The following ADCY9 variants were observed in gnomAD, a reference collection of about 807,000 sequenced individuals.
ADCY9 encodes adenylate cyclase 9.
In ADCY9, 50 loss-of-function variants were observed where a neutral mutation model predicts 101.5. That is an observed-to-expected ratio of 0.49 (90% CI 0.39 to 0.62). ADCY9 has a LOEUF of 0.62. ADCY9 is among the 20% of genes least tolerant of loss of function. The pLI, the probability that ADCY9 is intolerant of heterozygous loss-of-function variation, is 0.00. For missense variants in ADCY9, 1,662 were observed against 1,800.4 expected (o/e 0.92, Z 1.39); for synonymous variants, 905 against 769.3 (o/e 1.18, Z -2.92).
chr16:4,027,806 G>A (rs1033955666), intron 2 of ADCY9, among the ~76,000 whole-genome samples: 5 of 152,030 alleles, frequency 3.3e-5, no homozygotes. Flanking sequence ...GAACCCAGGA[G>A]GCAGAGGTTG....
chr16:3,983,463 A>AGAAT, intron 6 of ADCY9, 23 bp from the exon 7 acceptor site: 1 of 1,581,618 alleles, frequency 6.3e-7, no homozygotes, highest in Middle Eastern at 1.7e-4. Context: ...GGAGTGGAGC[A>AGAAT]GAATGACTGG....
At chr16:3,998,754 AAAAGAAAAGAAAAG>A (rs2056308505) in intron 3 of ADCY9, among the ~76,000 whole-genome samples, 2 of 4,480 alleles carry the variant, frequency 4.5e-4, no homozygotes, top group African/African-American at 2.1e-3. Context: ...AGAAAGAAAG[AAAAGAAAAGAAAAG>A]AAAAGAAAAG....
intron 2 of ADCY9, among the ~76,000 whole-genome samples, chr16:4,090,148 G>A (rs1457989631): frequency 1.3e-5 from 2 of 152,052 alleles, no homozygotes; most frequent in East Asian, 3.9e-4. Flanking sequence ...TGACTTGGAG[G>A]GGACTCCAGC....
At chr16:3,954,183 A>G (rs1392001760) in intron 5 of ADCY9, among the ~76,000 whole-genome samples, 1 of 152,200 alleles carries the variant, frequency 6.6e-6, no homozygotes, top group Non-Finnish European at 1.5e-5. Flanking sequence ...TCTGACATGC[A>G]GAGCTGCAGG....
intron 2 of ADCY9, among the ~76,000 whole-genome samples, chr16:4,074,676 C>T (rs547140552): frequency 5.5e-4 from 79 of 142,858 alleles, no homozygotes; most frequent in African/African-American, 2.0e-3. Context: ...ACGATCATGC[C>T]ATTGTACCCC....
At chr16:4,031,823 G>A (rs2056557277) in intron 2 of ADCY9, among the ~76,000 whole-genome samples, 1 of 151,978 alleles carries the variant, frequency 6.6e-6, no homozygotes, top group Non-Finnish European at 1.5e-5. Context: ...GCAGAGGTGA[G>A]CCATCATCGT....
chr16:4,083,404 T>C (rs959797546), intron 2 of ADCY9, among the ~76,000 whole-genome samples: 2 of 152,246 alleles, frequency 1.3e-5, no homozygotes, highest in African/African-American at 2.4e-5. Context: ...GCACACACTC[T>C]GGTGGGAAGA....
At chr16:4,026,984 C>A (rs907561266) in intron 2 of ADCY9, among the ~76,000 whole-genome samples, 4 of 152,182 alleles carry the variant, frequency 2.6e-5, no homozygotes, top group Non-Finnish European at 4.4e-5. Flanking sequence ...TGATTGGTTC[C>A]CTCCCGCAAC....
chr16:4,038,639 GGTTTCA>G (rs2056606402), intron 2 of ADCY9, among the ~76,000 whole-genome samples: 1 of 152,104 alleles, frequency 6.6e-6, no homozygotes, highest in Admixed American at 6.6e-5. Flanking sequence ...AAGTCAGCAT[GGTTTCA>G]GTTGAGAAAA....
intron 2 of ADCY9, among the ~76,000 whole-genome samples, chr16:4,049,627 ACAC>A (rs1254340544): frequency 1.3e-5 from 2 of 152,120 alleles, no homozygotes; most frequent in South Asian, 2.1e-4. Flanking sequence ...TGAGTCAAAA[ACAC>A]CACATGAAAC....
At chr16:3,983,183 G>A (rs1295191417) in intron 7 of ADCY9, 49 bp downstream of exon 7, 2 of 1,490,816 alleles carry the variant, frequency 1.3e-6, no homozygotes, top group African/African-American at 2.8e-5. Context: ...GGAGCCAGAA[G>A]AGGGAGCTAA....
intron 2 of ADCY9, among the ~76,000 whole-genome samples, chr16:4,050,713 CAAAAAAAAAAA>C (rs5815192): frequency 2.9e-5 from 2 of 69,660 alleles, no homozygotes; most frequent in African/African-American, 6.2e-5. Context: ...AACTCCGTCT[CAAAAAAAAAAA>C]AAAAAAAAAA....
intron 2 of ADCY9, among the ~76,000 whole-genome samples, chr16:4,022,970 T>C (rs1230774111): frequency 1.3e-5 from 2 of 152,148 alleles, no homozygotes; most frequent in African/African-American, 4.8e-5. Context: ...AGTACTGTAG[T>C]ACCTGGGGGA....
rs763522918 is a variant in ADCY9 at position 4,028,339 on chromosome 16, T to C, written c.1694-20781A>G. Among the ~76,000 whole-genome samples the C allele has an allele frequency of 1.2e-3, 190 of 152,296 alleles. 2 individuals are homozygous for C. Among genetic ancestry groups the C allele is most frequent in the Non-Finnish European group, 6.5e-4 (44 of 68,028 alleles). On this transcript the variant is annotated intron_variant, in intron 2 of 10. Coordinates refer to ENST00000294016, the MANE Select transcript of ADCY9 (RefSeq NM_001116.4). Reference sequence around the variant, plus strand: ...AGCTCTGTTTATTACAGCCAAGACGTGGGAATAATCCACGTGTCCAGCAGC... The same window carrying C: ...AGCTCTGTTTATTACAGCCAAGACGCGGGAATAATCCACGTGTCCAGCAGC...
chr16:3,966,525 G>A lies in ADCY9; in HGVS notation c.3312C>T (p.Ile1104=), dbSNP rs759735634. Residue 1104 remains isoleucine, a synonymous_variant, in exon 11 of 11, where the codon ATC becomes ATT. Transcript: ENST00000294016. ...TGGCTCCGATGGTCTTGATCTTCTC[G>A]ATGCTGCTGTAGTCCGGCTTGCTTA... The part of the protein sequence containing the change: ...ELLSKPDYSS[I]EKIKTIGATY... The A allele has an allele frequency of 5.0e-6, 8 of 1,614,148 alleles. No individual in the cohort carries two copies. In the South Asian group the frequency reaches 7.7e-5, roughly 16 times the overall value.
At chr16:4,081,881 G>A (rs1252737075) in intron 2 of ADCY9, among the ~76,000 whole-genome samples, 2 of 151,600 alleles carry the variant, frequency 1.3e-5, no homozygotes, top group Admixed American at 1.3e-4. Context: ...AGGGGGCGGC[G>A]GGGGAGTCTT....
intron 10 of ADCY9, among the ~76,000 whole-genome samples, chr16:3,971,376 T>C (rs369543433): frequency 2.4e-4 from 36 of 152,262 alleles, no homozygotes; most frequent in African/African-American, 8.4e-4. Flanking sequence ...AGAGAGCAGA[T>C]TGCGGAGTCC....
At chr16:4,095,407 G>C (rs929533013) in intron 2 of ADCY9, among the ~76,000 whole-genome samples, 1 of 152,162 alleles carries the variant, frequency 6.6e-6, no homozygotes, top group Non-Finnish European at 1.5e-5. Flanking sequence ...TATAGGGCCA[G>C]TAGATCCAGA....
chr16:4,005,994 G>T (rs943411278), intron 3 of ADCY9, among the ~76,000 whole-genome samples: 1 of 152,132 alleles, frequency 6.6e-6, no homozygotes, highest in Non-Finnish European at 1.5e-5. Flanking sequence ...CAGGCAAGGC[G>T]GCTGTCTCTA....
Sources: allele counts gnomAD v4.1 joint callset (sites outside exome capture counted in the v4.1 genomes callset), GRCh38; gene constraint gnomAD v4.1.1; transcripts MANE v1.5; gene names NCBI Gene and HGNC (gene_info 2026-07-23, HGNC 2026-07-21).